SOX5: variants seen among roughly 807,000 people sequenced by gnomAD.
SOX5 encodes transcription factor SOX-5.
Under a neutral mutation model 92.0 loss-of-function variants are expected in SOX5, and 9 were observed. The observed-to-expected ratio is 0.10, with a 90% CI of 0.06 to 0.17. The LOEUF (loss-of-function observed/expected upper bound fraction) is 0.17. SOX5 is among the 10% of genes least tolerant of loss of function. The probability of loss-of-function intolerance (pLI) is 1.00; values close to 1 mark genes in which losing one functional copy is unlikely to be tolerated. For synonymous variants in SOX5, 344 were observed against 336.3 expected (o/e 1.02, Z -0.25); for missense variants, 642 against 944.5 (o/e 0.68, Z 4.20).
At chr12:23,893,421 G>A (rs2097148193) in intron 2 of SOX5, among the ~76,000 whole-genome samples, 1 of 152,074 alleles carries the variant, frequency 6.6e-6, no homozygotes, top group South Asian at 2.1e-4. Flanking sequence ...TCTCCAGCCT[G>A]GTGACAGGGC....
chr12:24,029,379 G>T (rs1014451497), intron 4 of SOX5, among the ~76,000 whole-genome samples: 1 of 151,804 alleles, frequency 6.6e-6, no homozygotes, highest in Admixed American at 6.6e-5. Flanking sequence ...AGGTCAAGCT[G>T]TTCTCCCACC....
intron 2 of SOX5, chr12:24,331,432 G>T (rs911369971): frequency 6.6e-6 from 1 of 152,110 alleles, no homozygotes; most frequent in Non-Finnish European, 1.5e-5. Flanking sequence ...AAGCACTTTG[G>T]AATTTATTAG....
At chr12:23,805,210 C>T (rs2095748597) in intron 3 of SOX5, among the ~76,000 whole-genome samples, 1 of 151,546 alleles carries the variant, frequency 6.6e-6, no homozygotes, top group Non-Finnish European at 1.5e-5. Context: ...TAGCTTTGTG[C>T]TGGATTATCT....
rs1316872037 is a variant in SOX5, at chr12:24,411,330, G to C, written c.-250-42691C>G. ...TACAATTTTTTGCCTTTTTGCACTGGCCAGAAATTCTAGCACTGTGTTGAA... is the reference window on the plus strand; with the variant it reads ...TACAATTTTTTGCCTTTTTGCACTGCCCAGAAATTCTAGCACTGTGTTGAA... On this transcript the variant is annotated intron_variant, in intron 1 of 4. Transcript: ENST00000446891. 2.0e-5 allele frequency among the ~76,000 whole-genome samples: 3 copies of C among 151,770 alleles called. No homozygotes were observed. The East Asian group carries it at 5.8e-4, about 29-fold the overall frequency.
intron 2 of SOX5, among the ~76,000 whole-genome samples, chr12:24,279,660 T>G (rs992428197): frequency 5.9e-5 from 9 of 152,116 alleles, no homozygotes; most frequent in Non-Finnish European, 1.3e-4. Context: ...TTAAGGTCCC[T>G]AAACAATATC....
chr12:24,436,519 G>T (rs1230954158), intron 1 of SOX5, among the ~76,000 whole-genome samples: 2 of 152,194 alleles, frequency 1.3e-5, no homozygotes, highest in African/African-American at 2.4e-5. Flanking sequence ...TGAGGAAGCT[G>T]CAGAAGTAAA....
intron 4 of SOX5, among the ~76,000 whole-genome samples, chr12:23,991,130 G>T (rs1243334755): frequency 6.6e-6 from 1 of 151,486 alleles, no homozygotes; most frequent in African/African-American, 2.4e-5. Context: ...GAGGAGAGAG[G>T]GTCGCTTGAG....
chr12:23,873,676 G>A (rs898706356), intron 2 of SOX5, among the ~76,000 whole-genome samples: 1 of 152,010 alleles, frequency 6.6e-6, no homozygotes, highest in African/African-American at 2.4e-5. Flanking sequence ...AAATCAAACA[G>A]TCTCTATTAT....
intron 1 of SOX5, among the ~76,000 whole-genome samples, chr12:23,916,307 C>T (rs2097416665): frequency 6.6e-6 from 1 of 152,082 alleles, no homozygotes; most frequent in African/African-American, 2.4e-5. Context: ...CAAGAGAAAA[C>T]AATTGAACTA....
At chr12:24,248,020 T>C (rs1427167615) in intron 3 of SOX5, among the ~76,000 whole-genome samples, 1 of 152,186 alleles carries the variant, frequency 6.6e-6, no homozygotes. Context: ...CTACTTCTTA[T>C]ACTGTCTCAA....
chr12:24,148,878 AGAGGG>A (rs1203482847), intron 4 of SOX5, among the ~76,000 whole-genome samples: 1 of 1,990 alleles, frequency 5.0e-4, no homozygotes, highest in Non-Finnish European at 8.2e-4. Flanking sequence ...TGACAGAGGG[AGAGGG>A]AGACTGTCTC....
chr12:23,688,282 A>G lies in SOX5; in HGVS notation c.811-22718T>C, dbSNP rs568163963. Among the ~76,000 whole-genome samples the G allele has an allele frequency of 8.5e-5, 13 of 152,124 alleles. No homozygotes were observed. In the Admixed American group the frequency reaches 8.6e-4, roughly 10 times the overall value. ...GAAAATTATTTTTTAGACATGTGAC[A>G]ACATTAATGACAAGTTTCCAACTAC... On this transcript the variant is annotated intron_variant, in intron 6 of 14. Transcript: ENST00000451604.
At chr12:24,180,551 T>C (rs1226837293) in intron 4 of SOX5, among the ~76,000 whole-genome samples, 2 of 152,170 alleles carry the variant, frequency 1.3e-5, no homozygotes, top group Non-Finnish European at 2.9e-5. Context: ...AAGTTTACAA[T>C]CCCTTGACAG....
chr12:23,928,937 G>T (rs1025310471), intron 1 of SOX5, among the ~76,000 whole-genome samples: 7 of 151,602 alleles, frequency 4.6e-5, no homozygotes, highest in Non-Finnish European at 8.8e-5. Flanking sequence ...TCAATTAGCT[G>T]TTGCTAAATT....
intron 2 of SOX5, among the ~76,000 whole-genome samples, chr12:23,871,361 A>T (rs1220076151): frequency 6.6e-6 from 1 of 152,202 alleles, no homozygotes; most frequent in Non-Finnish European, 1.5e-5. Flanking sequence ...GAACATGAAG[A>T]TCAGTTGTTC....
At chr12:23,790,747 AGCCG>A (rs2095461130) in intron 3 of SOX5, among the ~76,000 whole-genome samples, 3 of 152,166 alleles carry the variant, frequency 2.0e-5, no homozygotes, top group African/African-American at 4.8e-5. Flanking sequence ...TTCAGTTACA[AGCCG>A]GCCTATCCAG....
At chr12:23,552,869 C>A (rs1437411947) in intron 11 of SOX5, among the ~76,000 whole-genome samples, 3 of 151,848 alleles carry the variant, frequency 2.0e-5, no homozygotes, top group African/African-American at 7.2e-5. Context: ...TCTTTCAAAC[C>A]TTCAATTCTA....
At chr12:23,764,870 T>C (rs2094667108) in intron 3 of SOX5, among the ~76,000 whole-genome samples, 1 of 152,056 alleles carries the variant, frequency 6.6e-6, no homozygotes, top group Non-Finnish European at 1.5e-5. Context: ...GATAAAGCAC[T>C]ACACATCCTG....
At chr12:24,224,796 A>G (rs1961491434) in intron 3 of SOX5, among the ~76,000 whole-genome samples, 1 of 152,214 alleles carries the variant, frequency 6.6e-6, no homozygotes, top group Admixed American at 6.5e-5. Flanking sequence ...CTGCATGAGC[A>G]CTGATAAGTG....
Sources: allele counts gnomAD v4.1 joint callset (sites outside exome capture counted in the v4.1 genomes callset), GRCh38; gene constraint gnomAD v4.1.1; transcripts MANE v1.5; gene names NCBI Gene and HGNC (gene_info 2026-07-23, HGNC 2026-07-21).